The following CAST variants were observed in gnomAD, a reference collection of about 807,000 sequenced individuals.
CAST encodes the protein calpastatin.
Under a neutral mutation model 119.6 loss-of-function variants are expected in CAST, and 76 were observed. That is an observed-to-expected ratio of 0.64 (90% CI 0.53 to 0.77). The LOEUF is 0.77. Among genes scored for constraint, CAST ranks in the 30% least tolerant of loss-of-function variants. CAST has a pLI of 0.00. For synonymous variants in CAST, 319 were observed against 331.6 expected, an observed-to-expected ratio of 0.96 and a Z score of 0.41; for missense variants, 953 against 946.5, an observed-to-expected ratio of 1.01 and a Z score of -0.09.
At chr5:96,077,266 T>C in the CAST span, among the ~76,000 whole-genome samples, 7 of 152,322 alleles carry the variant, frequency 4.6e-5, no homozygotes, top group Non-Finnish European at 1.0e-4. Context: ...AGAAATGTTA[T>C]AATGGTTAAG....
chr5:96,741,364 G>A lies in CAST; in HGVS notation c.1011+6G>A, dbSNP rs762292735. The A allele has an allele frequency of 4.4e-6, 7 of 1,587,548 alleles. No individual in the cohort carries two copies. In the Admixed American group the frequency reaches 5.0e-5, roughly 11 times the overall value. ...GAAAGAAAACTGAAAAAGAGGTATT[G>A]TTTTTAGTGTTGTTAAGGGAAACTT... On this transcript the variant is annotated splice_donor_region_variant and intron_variant, in intron 14 of 31. Coordinates refer to ENST00000675179, the MANE Select transcript of CAST (RefSeq NM_001750.7).
chr5:96,736,133 AG>A, intron 9 of CAST, 38 bp from the exon 10 acceptor site: 1 of 1,244,682 alleles, frequency 8.0e-7, no homozygotes, highest in Non-Finnish European at 1.2e-6. Flanking sequence ...AGTTTTATTA[AG>A]GTATGTGAGG....
intron 1 of CAST, among the ~76,000 whole-genome samples, chr5:96,531,008 G>T (rs1745680386): frequency 6.6e-6 from 1 of 152,138 alleles, no homozygotes; most frequent in Non-Finnish European, 1.5e-5. Flanking sequence ...GCCCAGGCTG[G>T]TCTGGAATTA....
chr5:96,343,779 A>C, the CAST span, among the ~76,000 whole-genome samples: 1 of 152,222 alleles, frequency 6.6e-6, no homozygotes, highest in Non-Finnish European at 1.5e-5. Flanking sequence ...TGATTTACAA[A>C]TGTTGATGTC....
intron 1 of CAST, among the ~76,000 whole-genome samples, chr5:96,646,220 A>T (rs1360959126): frequency 6.6e-6 from 1 of 152,238 alleles, no homozygotes; most frequent in African/African-American, 2.4e-5. Flanking sequence ...ATATCTGTCC[A>T]AAATGTTGTA....
At chr5:96,688,451 C>T (rs936394216) in intron 2 of CAST, among the ~76,000 whole-genome samples, 3 of 152,098 alleles carry the variant, frequency 2.0e-5, no homozygotes, top group African/African-American at 7.2e-5. Flanking sequence ...TTTATCATAG[C>T]TTTATTTATA....
chr5:96,620,194 C>A (rs950726772), intron 1 of CAST, among the ~76,000 whole-genome samples: 1 of 151,962 alleles, frequency 6.6e-6, no homozygotes, highest in Non-Finnish European at 1.5e-5. Flanking sequence ...GCCTGTAGGG[C>A]GACAATCATA....
chr5:96,774,557 G>GA lies in CAST; in HGVS notation c.*1945dup. 1 of 985,768 alleles carries GA rather than the reference G, an allele frequency of 1.0e-6. No individual in the cohort carries two copies. The highest frequency in any genetic ancestry group is 1.2e-6 in the Non-Finnish European group (1 of 829,828). 61.1% of individuals were successfully genotyped at this position (985,768 alleles called of 1,614,324 possible). On this transcript the variant is annotated 3_prime_UTR_variant, in exon 32 of 32. Transcript: ENST00000675179. ...GTTGTGGCAATATTGTATCTGTTTA[G>GA]AAAATGGGCTTTTCCAAAAGCAAAC...
the CAST span, among the ~76,000 whole-genome samples, chr5:96,347,097 C>T: frequency 3.3e-5 from 5 of 152,072 alleles, no homozygotes; most frequent in African/African-American, 4.8e-5. Context: ...ACTGGGCTCA[C>T]GCAGAGCCTC....
chr5:96,375,904 T>TATATATATATAAATATATAAATATAA, the CAST span, among the ~76,000 whole-genome samples: 9 of 147,190 alleles, frequency 6.1e-5, no homozygotes, highest in African/African-American at 2.2e-4. Flanking sequence ...TCTCTCTATA[T>TATATATATATAAATATATAAATATAA]ATATATATAA....
At chr5:96,515,265 G>A in the CAST span, among the ~76,000 whole-genome samples, 1 of 148,218 alleles carries the variant, frequency 6.7e-6, no homozygotes, top group Non-Finnish European at 1.5e-5. Flanking sequence ...GTAGTCCTGG[G>A]GATGAAAATA....
At chr5:96,609,856 T>C (rs76118603) in intron 1 of CAST, among the ~76,000 whole-genome samples, 3,355 of 152,226 alleles carry the variant, frequency 0.022, 131 homozygotes, top group African/African-American at 0.069. Flanking sequence ...ATGCCTTAAT[T>C]CAAAAGTCTA....
At position 96,616,721 on chromosome 5, in the gene CAST, G is replaced by GCTCTCT. The variant is rs1411448503; in HGVS notation, c.61-58815_61-58814insTCTCTC. On this transcript the variant is annotated intron_variant, in intron 1 of 11. Coordinates refer to the CAST transcript ENST00000505143. ...ATGTGTGGCCTCTTAGACACCAAGCGCTCGCTCGCTCTCTCTCTCTCTCTA... is the reference window on the plus strand; with the variant it reads ...ATGTGTGGCCTCTTAGACACCAAGCGCTCTCTCTCGCTCGCTCTCTCTCTCTCTCTA... Among the ~76,000 whole-genome samples the GCTCTCT allele has an allele frequency of 5.6e-4, 79 of 140,530 alleles. 1 individual carries two copies. In the East Asian group the frequency reaches 0.015, roughly 27 times the overall value. 92.2% of individuals were successfully genotyped at this position (140,530 alleles called of 152,430 possible). A position where few individuals can be genotyped will look rare whatever the true frequency, so the allele number is the denominator to read the frequency against.
At chr5:96,314,016 A>G in the CAST span, among the ~76,000 whole-genome samples, 1 of 152,176 alleles carries the variant, frequency 6.6e-6, no homozygotes. Context: ...CTAAATTACA[A>G]GTATGCAGTA....
the CAST span, among the ~76,000 whole-genome samples, chr5:96,273,518 C>T: frequency 1.3e-5 from 2 of 152,070 alleles, no homozygotes; most frequent in African/African-American, 4.8e-5. Context: ...TATGGCCTGT[C>T]GATGAATGAC....
At chr5:96,520,539 CTGTG>C (rs1295357941), upstream of CAST, among the ~76,000 whole-genome samples, 1 of 151,404 alleles carries the variant, frequency 6.6e-6, no homozygotes, top group African/African-American at 2.4e-5. Flanking sequence ...GTGTGTGTGT[CTGTG>C]TGTGTTTGTG....
chr5:96,483,935 C>G, the CAST span, among the ~76,000 whole-genome samples: 1 of 152,188 alleles, frequency 6.6e-6, no homozygotes, highest in South Asian at 2.1e-4. Flanking sequence ...TCCCTCTACA[C>G]CACGCAGCCT....
At chr5:96,422,282 T>C in the CAST span, among the ~76,000 whole-genome samples, 151 of 152,172 alleles carry the variant, frequency 9.9e-4, no homozygotes, top group Admixed American at 3.3e-3. Context: ...GATGAGAAAA[T>C]TGAGGCCCAG....
the CAST span, among the ~76,000 whole-genome samples, chr5:96,386,556 T>C: frequency 6.6e-6 from 1 of 152,258 alleles, no homozygotes; most frequent in Non-Finnish European, 1.5e-5. Flanking sequence ...AGATAAGAGC[T>C]ACAAATTCAA....
Sources: gnomAD v4.1 joint callset for allele counts (sites outside exome capture counted in the v4.1 genomes callset) on GRCh38, gnomAD v4.1.1 for gene constraint, MANE v1.5 for transcripts, NCBI Gene and HGNC (gene_info 2026-07-23, HGNC 2026-07-21) for gene names.